Variants in PCDH15 observed in about 807,000 individuals in gnomAD.
The protein encoded by PCDH15 is protocadherin-15.
Under a neutral mutation model 178.5 loss-of-function variants are expected in PCDH15, and 129 were observed. The observed-to-expected ratio is 0.72, with a 90% CI of 0.63 to 0.84. The LOEUF is 0.84. PCDH15 is among the 40% of genes least tolerant of loss of function. The pLI, the probability that PCDH15 is intolerant of heterozygous loss-of-function variation, is 0.00. For missense variants in PCDH15, 2,230 were observed against 2,099.9 expected, an observed-to-expected ratio of 1.06 and a Z score of -1.21; for synonymous variants, 800 against 732.0, an observed-to-expected ratio of 1.09 and a Z score of -1.50.
intron 2 of PCDH15, among the ~76,000 whole-genome samples, chr10:55,136,262 A>G (rs1838195590): frequency 6.6e-6 from 1 of 152,138 alleles, no homozygotes; most frequent in Non-Finnish European, 1.5e-5. Context: ...GTTAGATACT[A>G]CATTTGCTGG....
At chr10:55,288,617 G>T (rs1842933038) in intron 1 of PCDH15, among the ~76,000 whole-genome samples, 1 of 151,890 alleles carries the variant, frequency 6.6e-6, no homozygotes, top group South Asian at 2.1e-4. Flanking sequence ...CACATAAGTG[G>T]AACCATGTAG....
At chr10:54,475,164 G>T (rs1367814271) in intron 3 of PCDH15, among the ~76,000 whole-genome samples, 1 of 151,712 alleles carries the variant, frequency 6.6e-6, no homozygotes, top group Non-Finnish European at 1.5e-5. Flanking sequence ...GGTTCAAGTC[G>T]CATTGCCACG....
intron 2 of PCDH15, among the ~76,000 whole-genome samples, chr10:55,451,183 G>A (rs1271203032): frequency 6.6e-6 from 1 of 151,792 alleles, no homozygotes; most frequent in Admixed American, 6.6e-5. Context: ...TATGTGTGTC[G>A]CATTCCCTCT....
intron 8 of PCDH15, among the ~76,000 whole-genome samples, chr10:54,311,701 A>G (rs1402325429): frequency 1.3e-5 from 2 of 152,184 alleles, no homozygotes; most frequent in South Asian, 2.1e-4. Flanking sequence ...CACCAGATGT[A>G]TATATTTATG....
At chr10:54,681,379 T>C (rs1422380744) in intron 1 of PCDH15, among the ~76,000 whole-genome samples, 1 of 152,012 alleles carries the variant, frequency 6.6e-6, no homozygotes, top group Non-Finnish European at 1.5e-5. Context: ...CTACGGAGGA[T>C]GTACAAAGAG....
At chr10:54,800,548 A>T (rs7910461) in intron 1 of PCDH15, among the ~76,000 whole-genome samples, 7 of 152,122 alleles carry the variant, frequency 4.6e-5, no homozygotes, top group African/African-American at 1.2e-4. Context: ...AAAAACAAAA[A>T]GTCAATTCTG....
chr10:54,129,781 G>T (rs548188591), intron 15 of PCDH15, among the ~76,000 whole-genome samples: 2 of 152,040 alleles, frequency 1.3e-5, no homozygotes, highest in African/African-American at 2.4e-5. Context: ...TATACAAAAG[G>T]TTGGCTCTCC....
intron 21 of PCDH15, among the ~76,000 whole-genome samples, chr10:53,964,087 G>A (rs1008642723): frequency 2.6e-5 from 4 of 152,180 alleles, no homozygotes; most frequent in South Asian, 2.1e-4. Context: ...CCTTTACCAG[G>A]AAAATAAGGT....
At chr10:54,368,291 C>A (rs1457244727) in intron 5 of PCDH15, among the ~76,000 whole-genome samples, 1 of 151,808 alleles carries the variant, frequency 6.6e-6, no homozygotes, top group Non-Finnish European at 1.5e-5. Flanking sequence ...CAGTTATTCT[C>A]CTGTAAAGCA....
chr10:54,572,214 C>T (rs533619756), intron 2 of PCDH15, among the ~76,000 whole-genome samples: 7 of 152,168 alleles, frequency 4.6e-5, no homozygotes, highest in East Asian at 3.9e-4. Context: ...AACTAATTTA[C>T]TGACAATTAC....
At chr10:54,979,080 T>C (rs946982261) in intron 2 of PCDH15, among the ~76,000 whole-genome samples, 4 of 152,156 alleles carry the variant, frequency 2.6e-5, no homozygotes, top group African/African-American at 9.6e-5. Context: ...TGCAGAGAGA[T>C]TAAATAATTG....
chr10:54,604,410 T>C (rs1425931501), intron 2 of PCDH15, among the ~76,000 whole-genome samples: 1 of 152,028 alleles, frequency 6.6e-6, no homozygotes, highest in East Asian at 1.9e-4. Flanking sequence ...GCTATAAATT[T>C]CTCCAGTTCT....
intron 2 of PCDH15, among the ~76,000 whole-genome samples, chr10:55,518,699 T>C (rs1841079961): frequency 6.6e-6 from 1 of 151,944 alleles, no homozygotes; most frequent in Admixed American, 6.6e-5. Context: ...CAGGAAGATG[T>C]ATGCAGACAG....
At chr10:53,972,844 G>A (rs1344045541) in intron 21 of PCDH15, among the ~76,000 whole-genome samples, 4 of 152,156 alleles carry the variant, frequency 2.6e-5, no homozygotes, top group Admixed American at 1.3e-4. Context: ...CTGTTGGTGG[G>A]ACAGTAAACT....
At chr10:53,818,092 CT>C (rs946565905) in intron 33 of PCDH15, 79 bp from the exon 34 acceptor site, 2 of 396,446 alleles carry the variant, frequency 5.0e-6, no homozygotes, top group African/African-American at 4.1e-5. Context: ...CAGATAAGGG[CT>C]TTAAAAAATG....
intron 26 of PCDH15, among the ~76,000 whole-genome samples, chr10:53,900,588 C>T (rs2082271120): frequency 6.6e-6 from 1 of 152,166 alleles, no homozygotes; most frequent in African/African-American, 2.4e-5. Context: ...TTGGAAATCA[C>T]AGACCATCAT....
chr10:54,460,444 G>GA (rs1159062302), intron 3 of PCDH15, among the ~76,000 whole-genome samples: 4 of 152,068 alleles, frequency 2.6e-5, no homozygotes, highest in Admixed American at 2.6e-4. Context: ...CGTCATTTCA[G>GA]AAAAAATATT....
intron 14 of PCDH15, among the ~76,000 whole-genome samples, chr10:54,149,219 T>C (rs2044274338): frequency 6.6e-6 from 1 of 152,134 alleles, no homozygotes; most frequent in Non-Finnish European, 1.5e-5. Flanking sequence ...AGAATTTACC[T>C]TAATCTCAAA....
At chr10:55,579,024 C>T (rs548464899) in intron 2 of PCDH15, among the ~76,000 whole-genome samples, 2 of 152,096 alleles carry the variant, frequency 1.3e-5, no homozygotes, top group Non-Finnish European at 2.9e-5. Flanking sequence ...TATGCACAAG[C>T]TCTTGATGTT....
Sources: gnomAD v4.1 joint callset for allele counts (sites outside exome capture counted in the v4.1 genomes callset) on GRCh38, gnomAD v4.1.1 for gene constraint, MANE v1.5 for transcripts, NCBI Gene and HGNC (gene_info 2026-07-23, HGNC 2026-07-21) for gene names.